The following MFN2 variants were observed in gnomAD, a reference collection of about 807,000 sequenced individuals.
MFN2 encodes mitofusin-2.
A neutral mutation model predicts 87.5 loss-of-function variants in MFN2; 43 were observed. The observed-to-expected ratio is 0.49, with a 90% CI of 0.38 to 0.63. The LOEUF is 0.63. Ranked by LOEUF, MFN2 falls within the 30% of genes least tolerant of loss-of-function variation. The pLI, the probability that MFN2 is intolerant of heterozygous loss-of-function variation, is 0.00. For missense variants in MFN2, 743 were observed against 972.8 expected (o/e 0.76, Z 3.14); for synonymous variants, 337 against 359.9 (o/e 0.94, Z 0.72).
intron 3 of MFN2, among the ~76,000 whole-genome samples, chr1:11,991,455 C>T (rs1380672372): frequency 6.6e-6 from 1 of 152,164 alleles, no homozygotes; most frequent in African/African-American, 2.4e-5. Context: ...GAATGAGCCA[C>T]GCTGCCCCAA....
Position 12,009,615 on chromosome 1 carries a change from A to G in MFN2, c.2093A>G (p.His698Arg), listed in dbSNP as rs1060501916. 1.9e-6 allele frequency: 3 copies of G among 1,614,206 alleles called. No homozygotes were observed. The East Asian group carries it at 6.7e-5, about 36-fold the overall frequency. ...AGGGAACTGTCTGGGACCTTTGCTC[A>G]TCTGTGTCAGCAAGTTGACGTCACC... ...VQQELSGTFA[H>R]LCQQVDVTRE... is the part of the protein sequence containing the mutation. The change falls in exon 18 of 19, where the codon CAT becomes CGT. Residue 698 changes from histidine (H) to arginine (R), a missense_variant. By Grantham distance (29) the His-to-Arg change is conservative (BLOSUM62 0). This residue lies in a region of MFN2 where 571 missense variants were observed against 670.7 expected (regional missense o/e 0.85). Transcript: ENST00000235329.
chr1:12,010,127 C>A (rs1639627021), intron 18 of MFN2, among the ~76,000 whole-genome samples: 1 of 152,060 alleles, frequency 6.6e-6, no homozygotes, highest in South Asian at 2.1e-4. Context: ...GCACTCCAGC[C>A]TGGGCGACAA....
Position 12,009,635 on chromosome 1 carries a change from G to T in MFN2, c.2113G>T (p.Val705Phe). The T allele has an allele frequency of 3.1e-6, 5 of 1,614,164 alleles. No individual in the cohort carries two copies. Among genetic ancestry groups the T allele is most frequent in the Non-Finnish European group, 4.2e-6 (5 of 1,180,020 alleles). ...TFAHLCQQVD[V>F]TRENLEQEIA... The stretch of plus-strand genomic sequence containing the variant: ...TGCTCATCTGTGTCAGCAAGTTGAC[G>T]TCACCCGGGAGAACCTGGAGCAGGA... Residue 705 changes from valine to phenylalanine, a missense_variant, in exon 18 of 19, where the codon GTC becomes TTC. Coordinates refer to ENST00000235329, the MANE Select transcript of MFN2 (RefSeq NM_014874.4).
intron 17 of MFN2, among the ~76,000 whole-genome samples, chr1:12,007,754 C>T (rs967702523): frequency 6.6e-6 from 1 of 151,886 alleles, no homozygotes; most frequent in Non-Finnish European, 1.5e-5. Context: ...GTCTTATAGC[C>T]ATCTCCTTTT....
intron 3 of MFN2, among the ~76,000 whole-genome samples, chr1:11,991,016 C>T (rs1638651891): frequency 6.6e-6 from 1 of 152,158 alleles, no homozygotes; most frequent in African/African-American, 2.4e-5. Flanking sequence ...CTCATAGTTC[C>T]CAGGAGTGTG....
At chr1:11,981,920 G>GTTTCTTT (rs1553139248) in intron 1 of MFN2, 50 bp from the exon 2 acceptor site, 3 of 138,006 alleles carry the variant, frequency 2.2e-5, no homozygotes, top group Non-Finnish European at 4.6e-5. Flanking sequence ...GTACACCAGT[G>GTTTCTTT]TTTTTTTTTT....
chr1:12,001,674 T>C (rs1639180805), intron 9 of MFN2, 95 bp from the exon 10 acceptor site: 5 of 1,590,480 alleles, frequency 3.1e-6, no homozygotes, highest in Non-Finnish European at 4.3e-6. Flanking sequence ...GCAGAGAGGC[T>C]CTTGCTCTTT....
Position 12,013,117 on chromosome 1 carries a change from G to A in MFN2, c.*1552G>A, listed in dbSNP as rs1243018118. The A allele has an allele frequency of 2.9e-6, 1 of 345,994 alleles. No homozygotes were observed. The highest frequency in any genetic ancestry group is 5.6e-6 in the Non-Finnish European group (1 of 177,498). The allele number at this position is 345,994 out of a possible 1,614,324, so 21.4% of individuals were successfully genotyped here. A position where few individuals can be genotyped will look rare whatever the true frequency, so the allele number is the denominator to read the frequency against. ...GATGTTCCCGGCGTGTGCCGGGCCT[G>A]AATGGACAGGGGCCACTTCACAGCA... On this transcript the variant is annotated 3_prime_UTR_variant, in exon 19 of 19. Transcript: ENST00000235329.
chr1:11,998,891 C>T lies in MFN2; in HGVS notation c.708+13C>T. 1 of 1,613,966 alleles carries T rather than the reference C, an allele frequency of 6.2e-7. No individual in the cohort carries two copies. Among genetic ancestry groups the T allele is most frequent in the South Asian group, 1.1e-5 (1 of 91,082 alleles). On this transcript the variant is annotated intron_variant, in intron 7 of 18. Coordinates refer to ENST00000235329, the MANE Select transcript of MFN2 (RefSeq NM_014874.4). Reference sequence around the variant, plus strand: ...CCTGATGCAGACGGTAACTCCTCCTCTGCCTTCTCCCAAGCTCCCAGCACC... The same window carrying T: ...CCTGATGCAGACGGTAACTCCTCCTTTGCCTTCTCCCAAGCTCCCAGCACC...
At chr1:11,994,612 GAAAA>G (rs1638832776) in intron 4 of MFN2, among the ~76,000 whole-genome samples, 1 of 151,976 alleles carries the variant, frequency 6.6e-6, no homozygotes, top group Non-Finnish European at 1.5e-5. Context: ...TCTAATACAA[GAAAA>G]AAGGCATCTA....
At chr1:11,996,358 G>A in intron 5 of MFN2, 40 bp downstream of exon 5, 1 of 1,612,702 alleles carries the variant, frequency 6.2e-7, no homozygotes, top group South Asian at 1.1e-5. Flanking sequence ...GTGCCTGCTG[G>A]GGGAGCAAGT....
At chr1:11,993,660 C>CG (rs1249378853) in intron 4 of MFN2, among the ~76,000 whole-genome samples, 3,481 of 150,376 alleles carry the variant, frequency 0.023, 134 homozygotes, top group African/African-American at 0.08. Flanking sequence ...GTGTGAACCC[C>CG]AGGGGGCGGA....
intron 5 of MFN2, among the ~76,000 whole-genome samples, 178 bp downstream of exon 5, chr1:11,996,496 T>A (rs1328025586): frequency 6.6e-6 from 1 of 152,058 alleles, no homozygotes; most frequent in African/African-American, 2.4e-5. Flanking sequence ...CTGGCGGAGG[T>A]GGTTTTCAGA....
chr1:12,000,433 G>A (rs985350485), intron 8 of MFN2, among the ~76,000 whole-genome samples: 12 of 152,114 alleles, frequency 7.9e-5, no homozygotes, highest in Middle Eastern at 3.4e-3. Context: ...TAAGTGATCC[G>A]CCCGCCTCGG....
In MFN2 at chr1:12,000,465, C is replaced by T. The variant is rs373670256; in HGVS notation, c.817-936C>T. 8.5e-5 allele frequency among the ~76,000 whole-genome samples: 13 copies of T among 152,178 alleles called. No homozygotes were observed. In the East Asian group the frequency reaches 1.2e-3, roughly 14 times the overall value. ...TCGGCCTCCCAAAGTGCTGGGATTA[C>T]GGGCGTGAGCCACTGTGCCCGCTTG... On this transcript the variant is annotated intron_variant, in intron 8 of 18. Transcript: ENST00000235329.
intron 2 of MFN2, 47 bp downstream of exon 2, chr1:11,982,161 G>C (rs1557509918): frequency 6.6e-6 from 1 of 152,342 alleles, no homozygotes; most frequent in East Asian, 1.9e-4. Flanking sequence ...GAGCTGAGTG[G>C]ACAGGGGTGT....
At chr1:11,985,847 G>A (rs747948373) in intron 2 of MFN2, among the ~76,000 whole-genome samples, 37 of 152,140 alleles carry the variant, frequency 2.4e-4, no homozygotes, top group Non-Finnish European at 3.7e-4. Flanking sequence ...AGTCTGATCT[G>A]CCAGGCCATG....
chr1:11,997,500 C>T lies in MFN2; in HGVS notation c.599+79C>T, dbSNP rs1481988640. 12 of 1,589,158 alleles carry T rather than the reference C, an allele frequency of 7.6e-6. No homozygotes were observed. In the Admixed American group the frequency reaches 2.0e-4, roughly 27 times the overall value. ...ATTTCTGGATAATCTAGGCCAGGGT[C>T]CCTGGGCCCCATCCTTGCTCTGCTT... On this transcript the variant is annotated intron_variant, in intron 6 of 18. Coordinates refer to ENST00000235329, the MANE Select transcript of MFN2 (RefSeq NM_014874.4).
rs1240221252 is a variant in MFN2, at chr1:11,996,247, C to A, written c.403C>A (p.Arg135=). ...TGGCCACACCACCAATTGCTTCCTG[C>A]GGGTAGAGGGCACAGATGGCCATGA... ...GIGHTTNCFL[R]VEGTDGHEAF... The change falls in exon 5 of 19, where the codon CGG becomes AGG. Residue 135 remains arginine (R), a synonymous_variant. Coordinates refer to ENST00000235329, the MANE Select transcript of MFN2 (RefSeq NM_014874.4). The A allele has an allele frequency of 6.2e-7, 1 of 1,614,042 alleles. No individual in the cohort carries two copies. The highest frequency in any genetic ancestry group is 1.3e-5 in the African/African-American group (1 of 74,910).
Sources: allele counts gnomAD v4.1 joint callset (sites outside exome capture counted in the v4.1 genomes callset), GRCh38; gene constraint gnomAD v4.1.1; regional missense constraint gnomAD v4.1.1; transcripts MANE v1.5; gene names NCBI Gene and HGNC (gene_info 2026-07-23, HGNC 2026-07-21).